DTWD2: variants seen among roughly 807,000 people sequenced by gnomAD.
The protein encoded by DTWD2 is tRNA-uridine aminocarboxypropyltransferase 2.
Under a neutral mutation model 31.8 loss-of-function variants are expected in DTWD2, and 39 were observed. That is an observed-to-expected ratio of 1.22 (90% confidence interval 0.95 to 1.60). The LOEUF is 1.60. DTWD2 is among the 40% of genes most tolerant of loss of function. DTWD2 has a pLI of 0.00. For synonymous variants in DTWD2, 180 were observed against 142.8 expected, an observed-to-expected ratio of 1.26 and a Z score of -1.86; for missense variants, 515 against 381.5, an observed-to-expected ratio of 1.35 and a Z score of -2.92.
Position 118,981,158 on chromosome 5 carries a change from AAGT to A in DTWD2, c.218+7133_218+7135del, listed in dbSNP as rs1755290733. Among the ~76,000 whole-genome samples, 2 of 152,218 alleles carry A rather than the reference AAGT, an allele frequency of 1.3e-5. 1 individual carries two copies. Among genetic ancestry groups the A allele is most frequent in the South Asian group, 4.1e-4 (2 of 4,832 alleles). On this transcript the variant is annotated intron_variant, in intron 1 of 5. Coordinates refer to ENST00000510708, the MANE Select transcript of DTWD2 (RefSeq NM_173666.4). ...GAATAAGTAAATTCATAGAAACAAA[AAGT>A]AGAATAGAGGTTACCAGGGTCTCAG...
At chr5:118,985,247 C>G (rs980903064) in intron 1 of DTWD2, among the ~76,000 whole-genome samples, 4 of 152,028 alleles carry the variant, frequency 2.6e-5, no homozygotes, top group Non-Finnish European at 4.4e-5. Flanking sequence ...TCTCCTCAGC[C>G]AGTCTCTTCC....
chr5:118,899,567 T>C (rs1753157735), intron 4 of DTWD2, among the ~76,000 whole-genome samples: 1 of 152,052 alleles, frequency 6.6e-6, no homozygotes, highest in African/African-American at 2.4e-5. Flanking sequence ...AGTGCCCAAA[T>C]CATAACTGTA....
At chr5:118,894,969 A>G (rs1753050304) in intron 4 of DTWD2, among the ~76,000 whole-genome samples, 1 of 152,146 alleles carries the variant, frequency 6.6e-6, no homozygotes, top group African/African-American at 2.4e-5. Context: ...AAGCACATTT[A>G]CACCACCGTT....
intron 1 of DTWD2, among the ~76,000 whole-genome samples, chr5:118,969,817 T>TAC (rs1255861640): frequency 1.3e-5 from 2 of 152,026 alleles, no homozygotes; most frequent in Non-Finnish European, 2.9e-5. Flanking sequence ...GGTACAGAAC[T>TAC]AGGCTGAAGC....
chr5:118,986,722 T>G (rs116097213), intron 1 of DTWD2, among the ~76,000 whole-genome samples: 6 of 152,146 alleles, frequency 3.9e-5, no homozygotes, highest in South Asian at 2.1e-4. Context: ...TAGAATTATA[T>G]TCTACCTAGT....
intron 4 of DTWD2, among the ~76,000 whole-genome samples, chr5:118,870,512 C>T (rs897929138): frequency 1.3e-5 from 2 of 152,182 alleles, no homozygotes; most frequent in African/African-American, 4.8e-5. Flanking sequence ...TTTCCCAGCA[C>T]ATATAAAAGT....
chr5:118,876,572 G>T (rs1752626772), intron 4 of DTWD2, among the ~76,000 whole-genome samples: 1 of 152,066 alleles, frequency 6.6e-6, no homozygotes. Context: ...CCCCACAGAA[G>T]TACAAACAAC....
Position 118,848,160 on chromosome 5 carries a change from C to T in DTWD2, c.656G>A (p.Arg219Lys). The change falls in exon 5 of 6, where the codon AGA becomes AAA. Residue 219 changes from arginine (R) to lysine (K), a missense_variant. Transcript: ENST00000510708. ...TGCACACTCCAGTGTAGAAAGGCAT[C>T]TATTAGTCGGCTGCATCCGAATTAC... is the stretch of plus-strand genomic sequence containing the variant. ...QYVIRMQPTN[R>K]CLSTLECAAV... 6.2e-7 allele frequency: 1 copy of T among 1,607,550 alleles called. No homozygotes were observed.
chr5:118,886,142 A>G (rs1752863151), intron 4 of DTWD2, among the ~76,000 whole-genome samples: 1 of 152,246 alleles, frequency 6.6e-6, no homozygotes, highest in Non-Finnish European at 1.5e-5. Flanking sequence ...ATTAATTAAC[A>G]TACTGTCTAT....
chr5:118,883,868 G>A (rs1752797522), intron 4 of DTWD2, among the ~76,000 whole-genome samples: 1 of 152,128 alleles, frequency 6.6e-6, no homozygotes, highest in African/African-American at 2.4e-5. Flanking sequence ...ACAGGAGAGA[G>A]AAAATAAATA....
At chr5:118,987,555 T>C (rs1328595399) in intron 1 of DTWD2, among the ~76,000 whole-genome samples, 1 of 152,234 alleles carries the variant, frequency 6.6e-6, no homozygotes, top group Non-Finnish European at 1.5e-5. Context: ...TAGCAACCCA[T>C]TCCTTTCCTT....
chr5:118,892,875 TC>T (rs1174533468), intron 4 of DTWD2, among the ~76,000 whole-genome samples: 1 of 152,026 alleles, frequency 6.6e-6, no homozygotes, highest in Non-Finnish European at 1.5e-5. Context: ...TTAGAAACAA[TC>T]TAAACACATT....
intron 1 of DTWD2, among the ~76,000 whole-genome samples, chr5:118,958,347 A>G (rs1404524288): frequency 1.3e-5 from 2 of 151,872 alleles, no homozygotes; most frequent in Non-Finnish European, 2.9e-5. Flanking sequence ...AGTCCCAGCT[A>G]CTCCAGAGGC....
chr5:118,873,259 C>T (rs1368273637), intron 4 of DTWD2, among the ~76,000 whole-genome samples: 2 of 152,188 alleles, frequency 1.3e-5, no homozygotes, highest in East Asian at 3.9e-4. Context: ...GAGACTTTAG[C>T]CCTAGGGGAA....
rs756216352 is a variant in DTWD2 at position 118,944,655 on chromosome 5, G to C, written c.219-6C>G. 6.2e-7 allele frequency: 1 copy of C among 1,609,390 alleles called. No individual in the cohort carries two copies. Among genetic ancestry groups the C allele is most frequent in the East Asian group, 2.2e-5 (1 of 44,736 alleles). ...AACACACTTTCTGAGGCCGGCTAAA[G>C]GGTAAAAAGAAAAATAAAACTGGTA... On this transcript the variant is annotated splice_region_variant and splice_polypyrimidine_tract_variant and intron_variant, in intron 1 of 5. Coordinates refer to ENST00000510708, the MANE Select transcript of DTWD2 (RefSeq NM_173666.4).
At chr5:118,894,837 C>T (rs1056085684) in intron 4 of DTWD2, among the ~76,000 whole-genome samples, 2 of 152,056 alleles carry the variant, frequency 1.3e-5, no homozygotes, top group African/African-American at 4.8e-5. Context: ...CCTCAACAAA[C>T]CTGGTACAGA....
chr5:118,985,517 T>TATATACAC (rs1554072595), intron 1 of DTWD2, among the ~76,000 whole-genome samples: 11 of 107,728 alleles, frequency 1.0e-4, no homozygotes, highest in African/African-American at 2.9e-4. Flanking sequence ...TATATATATA[T>TATATACAC]ACACACACAT....
intron 4 of DTWD2, among the ~76,000 whole-genome samples, chr5:118,883,341 T>A (rs1371468522): frequency 6.6e-6 from 1 of 152,178 alleles, no homozygotes; most frequent in Non-Finnish European, 1.5e-5. Flanking sequence ...AAGTCCCAAA[T>A]TTTTCCACAT....
intron 3 of DTWD2, among the ~76,000 whole-genome samples, chr5:118,937,281 A>G (rs1163079045): frequency 1.3e-5 from 2 of 151,790 alleles, no homozygotes; most frequent in Non-Finnish European, 2.9e-5. Context: ...AACTCTCATC[A>G]TTTTAGAAAC....
Sources: gnomAD v4.1 joint callset for allele counts (sites outside exome capture counted in the v4.1 genomes callset) on GRCh38, gnomAD v4.1.1 for gene constraint, MANE v1.5 for transcripts, NCBI Gene and HGNC (gene_info 2026-07-23, HGNC 2026-07-21) for gene names.